Variants in CYLD observed in about 807,000 individuals in gnomAD.
The protein encoded by CYLD is CYLD lysine 63 deubiquitinase.
Under a neutral mutation model 104.5 loss-of-function variants are expected in CYLD, and 26 were observed. The ratio of observed to expected loss-of-function variants is 0.25; its 90% CI spans 0.18 to 0.35. The LOEUF is 0.35. CYLD is among the 10% of genes least tolerant of loss of function. The pLI is 1.00. For synonymous variants in CYLD, 385 were observed against 399.9 expected, an observed-to-expected ratio of 0.96 and a Z score of 0.45; for missense variants, 703 against 1,136.1, an observed-to-expected ratio of 0.62 and a Z score of 5.48.
intron 4 of CYLD, 62 bp downstream of exon 4, chr16:50,751,968 A>G (rs899777762): frequency 1.2e-5 from 6 of 517,616 alleles, no homozygotes; most frequent in East Asian, 5.4e-5. Flanking sequence ...ATATATGTAT[A>G]TATATATATA....
At chr16:50,760,966 T>C (rs946008285) in intron 5 of CYLD, among the ~76,000 whole-genome samples, 4 of 152,326 alleles carry the variant, frequency 2.6e-5, no homozygotes, top group Admixed American at 2.6e-4. Context: ...CTAACTTTTT[T>C]CCCAATCTGA....
intron 2 of CYLD, among the ~76,000 whole-genome samples, chr16:50,744,569 T>C (rs2150875646): frequency 6.6e-6 from 1 of 152,364 alleles, no homozygotes; most frequent in Admixed American, 6.5e-5. Context: ...TCTTTGGAGA[T>C]GCAAAAAGCT....
chr16:50,761,952 G>A (rs60489099), intron 5 of CYLD, among the ~76,000 whole-genome samples: 3 of 152,126 alleles, frequency 2.0e-5, no homozygotes, highest in Non-Finnish European at 2.9e-5. Flanking sequence ...CACGTGTAGC[G>A]TGGTATATTT....
At chr16:50,789,971 C>G (rs557229365) in intron 14 of CYLD, among the ~76,000 whole-genome samples, 66 of 152,082 alleles carry the variant, frequency 4.3e-4, no homozygotes, top group Non-Finnish European at 3.2e-4. Flanking sequence ...GGAAAGTACC[C>G]AGAATGTTGC....
intron 12 of CYLD, 136 bp downstream of exon 12, chr16:50,784,587 GT>G (rs1597066337): frequency 1.0e-5 from 10 of 983,738 alleles, no homozygotes; most frequent in Non-Finnish European, 1.4e-5. Context: ...AAAATATTAC[GT>G]TTTTAAACCT....
At position 50,794,565 on chromosome 16, in the gene CYLD, T is replaced by C. The variant is rs1430829263; in HGVS notation, c.2686+137T>C. On this transcript the variant is annotated intron_variant, in intron 18 of 18. Coordinates refer to ENST00000427738, the MANE Select transcript of CYLD (RefSeq NM_001378743.1). This position sits in a 1 kb window ranked among gnomAD's most constrained non-coding sequence, Gnocchi z 4.1. ...GATTATTCTGGTGACAACAGTCTTA[T>C]ATCTTGGATTGCATTAACAACCTTG... 4.8e-6 allele frequency: 4 copies of C among 841,514 alleles called. No individual in the cohort carries two copies. The highest frequency in any genetic ancestry group is 8.0e-6 in the Non-Finnish European group (4 of 497,868). 52.1% of individuals were successfully genotyped at this position (841,514 alleles called of 1,614,324 possible).
At chr16:50,785,540 TC>T (rs1970721794) in intron 12 of CYLD, 1 of 152,210 alleles carries the variant, frequency 6.6e-6, no homozygotes, top group South Asian at 2.1e-4. Context: ...ACGATTTTTT[TC>T]CCCCAAGTAA....
At chr16:50,775,221 AT>A in intron 6 of CYLD, 47 bp downstream of exon 6, 1 of 1,544,748 alleles carries the variant, frequency 6.5e-7, no homozygotes, top group Non-Finnish European at 8.8e-7. Context: ...GTATTGTTGA[AT>A]TTTTCAAAGG....
At chr16:50,755,134 CACGTGTACATATGTGTGT>C (rs1567427171) in intron 5 of CYLD, among the ~76,000 whole-genome samples, 10 of 51,840 alleles carry the variant, frequency 1.9e-4, no homozygotes, top group African/African-American at 3.1e-4. Flanking sequence ...TATATATACA[CACGTGTACATATGTGTGT>C]ATATACACAC....
intron 15 of CYLD, 38 bp from the exon 16 acceptor site, chr16:50,792,559 T>A: frequency 6.9e-7 from 1 of 1,453,272 alleles, no homozygotes; most frequent in Non-Finnish European, 9.6e-7. Context: ...GTGTTTTTTT[T>A]AACACTTTGA....
intron 2 of CYLD, 108 bp downstream of exon 2, chr16:50,742,949 G>C (rs1442224571): frequency 2.5e-6 from 1 of 396,662 alleles, no homozygotes; most frequent in South Asian, 1.3e-4. Flanking sequence ...TGTTGAGTTT[G>C]GTACTCAGCT....
chr16:50,789,166 T>A (rs1971168728), intron 14 of CYLD, among the ~76,000 whole-genome samples: 1 of 152,152 alleles, frequency 6.6e-6, no homozygotes, highest in African/African-American at 2.4e-5. Flanking sequence ...TATGGATCAA[T>A]GGGGCCAAAT....
intron 14 of CYLD, 42 bp downstream of exon 14, chr16:50,787,894 A>G (rs1043689729): frequency 5.2e-6 from 6 of 1,160,422 alleles, no homozygotes; most frequent in Admixed American, 1.9e-5. Context: ...AAAATAGACA[A>G]TTCTCATTTC....
rs953501982 is a variant in CYLD, at chr16:50,791,637, A to G, written c.2188A>G (p.Ile730Val). The stretch of plus-strand genomic sequence containing the variant: ...AAATGAGAAAGTTGGCGTTCCCACA[A>G]TTCAGCAGTTGTTAGAATGGTCTTT... The part of the protein sequence containing the change: ...EKNEKVGVPT[I>V]QQLLEWSFIN... Residue 730 changes from isoleucine (I) to valine (V), a missense_variant, in exon 15 of 19, where the codon ATT becomes GTT. Ile to Val is a conservative substitution (Grantham distance 29, BLOSUM62 3). Coordinates refer to ENST00000427738, the MANE Select transcript of CYLD (RefSeq NM_001378743.1). The G allele has an allele frequency of 6.2e-7, 1 of 1,613,956 alleles. No individual in the cohort carries two copies. Among genetic ancestry groups the G allele is most frequent in the South Asian group, 1.1e-5 (1 of 91,080 alleles).
At chr16:50,790,105 A>G (rs1971281348) in intron 14 of CYLD, among the ~76,000 whole-genome samples, 1 of 152,250 alleles carries the variant, frequency 6.6e-6, no homozygotes. Flanking sequence ...TCAACAGATA[A>G]TAGCTGAATA....
intron 14 of CYLD, among the ~76,000 whole-genome samples, chr16:50,790,710 G>GT (rs200415440): frequency 0.075 from 10,754 of 144,088 alleles, 499 homozygotes; most frequent in South Asian, 0.24. Flanking sequence ...GAATAGCTGA[G>GT]TTTTTTTTTT....
At chr16:50,750,621 T>A (rs1050209264) in intron 3 of CYLD, among the ~76,000 whole-genome samples, 3 of 152,228 alleles carry the variant, frequency 2.0e-5, no homozygotes, top group Non-Finnish European at 2.9e-5. Context: ...GTAAAGATGA[T>A]GTCGAAACTT....
At chr16:50,782,562 GA>G in intron 11 of CYLD, 96 bp downstream of exon 11, 2 of 1,314,974 alleles carry the variant, frequency 1.5e-6, no homozygotes, top group Non-Finnish European at 2.2e-6. Context: ...GTGTGTGAAA[GA>G]AACTGCCATC....
intron 2 of CYLD, among the ~76,000 whole-genome samples, chr16:50,747,283 A>T (rs1350377219): frequency 6.6e-6 from 1 of 152,230 alleles, no homozygotes; most frequent in Non-Finnish European, 1.5e-5. Context: ...GCTTCTCAGA[A>T]CTGATTCGAA....
Sources: gnomAD v4.1 joint callset for allele counts (sites outside exome capture counted in the v4.1 genomes callset) on GRCh38, gnomAD v4.1.1 for gene constraint, Gnocchi (gnomAD v3.1) non-coding constraint, MANE v1.5 for transcripts, NCBI Gene and HGNC (gene_info 2026-07-23, HGNC 2026-07-21) for gene names.